Variants in NLGN1 observed in about 807,000 individuals in gnomAD.
The protein encoded by NLGN1 is neuroligin 1, also known as neuroligin-1.
A neutral mutation model predicts 65.5 loss-of-function variants in NLGN1; 12 were observed. The observed-to-expected ratio is 0.18, with a 90% CI of 0.12 to 0.30. The LOEUF is 0.30. NLGN1 is among the 10% of genes least tolerant of loss of function. The probability of loss-of-function intolerance (pLI) is 1.00; values close to 1 mark genes in which losing one functional copy is unlikely to be tolerated. For missense variants in NLGN1, 750 were observed against 1,007.1 expected (o/e 0.74, Z 3.46); for synonymous variants, 350 against 359.5 (o/e 0.97, Z 0.30).
chr3:173,638,003 A>G (rs1003118499), intron 3 of NLGN1, among the ~76,000 whole-genome samples: 1 of 152,186 alleles, frequency 6.6e-6, no homozygotes, highest in Non-Finnish European at 1.5e-5. Context: ...GATATATACT[A>G]ATAGGTGTGC....
chr3:173,769,006 G>A (rs531152081), intron 3 of NLGN1, among the ~76,000 whole-genome samples: 1 of 152,158 alleles, frequency 6.6e-6, no homozygotes, highest in South Asian at 2.1e-4. Context: ...CTGGACTCAA[G>A]CGATCCACCC....
intron 4 of NLGN1, among the ~76,000 whole-genome samples, chr3:174,135,660 A>G (rs1721074447): frequency 6.6e-6 from 1 of 152,150 alleles, no homozygotes; most frequent in Admixed American, 6.5e-5. Flanking sequence ...AATATGACCT[A>G]ATAGAATACC....
chr3:174,162,824 G>A (rs1726788595), intron 4 of NLGN1, among the ~76,000 whole-genome samples: 2 of 151,310 alleles, frequency 1.3e-5, no homozygotes, highest in Non-Finnish European at 2.9e-5. Context: ...CTGATTAAAT[G>A]AGGATGAGAG....
intron 2 of NLGN1, among the ~76,000 whole-genome samples, chr3:173,586,128 T>C (rs1747400839): frequency 8.8e-6 from 1 of 113,170 alleles, no homozygotes; most frequent in African/African-American, 3.0e-5. Flanking sequence ...ACAATTTTAG[T>C]TGGCTTTTTT....
intron 3 of NLGN1, among the ~76,000 whole-genome samples, chr3:173,658,761 A>G (rs1454583328): frequency 6.6e-6 from 1 of 151,994 alleles, no homozygotes; most frequent in Non-Finnish European, 1.5e-5. Context: ...TGTTGATTCC[A>G]GTGCTAGAGT....
At chr3:173,509,948 A>G (rs573121225) in intron 2 of NLGN1, among the ~76,000 whole-genome samples, 47 of 152,322 alleles carry the variant, frequency 3.1e-4, no homozygotes, top group Admixed American at 1.1e-3. Context: ...TCCAATTTCA[A>G]TGGATGTGAA....
chr3:173,759,777 T>C (rs1777688983), intron 3 of NLGN1, among the ~76,000 whole-genome samples: 1 of 152,014 alleles, frequency 6.6e-6, no homozygotes, highest in Non-Finnish European at 1.5e-5. Context: ...AGCATTCTTA[T>C]CAATTTTTAA....
At chr3:174,222,128 A>G (rs1738786252) in intron 4 of NLGN1, among the ~76,000 whole-genome samples, 1 of 152,122 alleles carries the variant, frequency 6.6e-6, no homozygotes, top group South Asian at 2.1e-4. Context: ...ATTTTGAGAT[A>G]AGTAGCTGTG....
intron 4 of NLGN1, among the ~76,000 whole-genome samples, chr3:174,003,504 T>G (rs1361562007): frequency 6.6e-6 from 1 of 152,148 alleles, no homozygotes; most frequent in Non-Finnish European, 1.5e-5. Flanking sequence ...AGATATACAT[T>G]CAAACCAAAT....
intron 2 of NLGN1, among the ~76,000 whole-genome samples, chr3:173,563,697 C>CTATTTTT (rs1743161109): frequency 6.6e-6 from 1 of 151,916 alleles, no homozygotes; most frequent in Non-Finnish European, 1.5e-5. Flanking sequence ...TTTTCTCATA[C>CTATTTTT]CCTTGTATAT....
intron 4 of NLGN1, among the ~76,000 whole-genome samples, chr3:173,873,478 T>G (rs1010944167): frequency 2.0e-5 from 3 of 152,194 alleles, no homozygotes; most frequent in Non-Finnish European, 4.4e-5. Flanking sequence ...AACATAACTA[T>G]TTGAAGTTAT....
intron 3 of NLGN1, among the ~76,000 whole-genome samples, chr3:173,632,016 T>C (rs1755758890): frequency 6.6e-6 from 1 of 152,106 alleles, no homozygotes; most frequent in African/African-American, 2.4e-5. Context: ...GTATTTATAA[T>C]AGAAATGCTG....
chr3:173,979,112 G>A (rs1718197204), intron 4 of NLGN1, among the ~76,000 whole-genome samples: 1 of 152,076 alleles, frequency 6.6e-6, no homozygotes, highest in African/African-American at 2.4e-5. Flanking sequence ...TAAGGACAAA[G>A]GAGGTAAGTA....
At chr3:173,548,691 A>G (rs1209111832) in intron 2 of NLGN1, among the ~76,000 whole-genome samples, 3 of 152,064 alleles carry the variant, frequency 2.0e-5, no homozygotes, top group Non-Finnish European at 4.4e-5. Flanking sequence ...AGAAAGAAAT[A>G]TATGTATTTA....
intron 3 of NLGN1, among the ~76,000 whole-genome samples, chr3:173,675,765 A>G (rs1255135058): frequency 6.6e-6 from 1 of 151,940 alleles, no homozygotes; most frequent in East Asian, 1.9e-4. Flanking sequence ...ACTGTTTTGT[A>G]TCTTGACTCT....
At chr3:174,020,099 A>G (rs1363102642) in intron 4 of NLGN1, among the ~76,000 whole-genome samples, 2 of 152,150 alleles carry the variant, frequency 1.3e-5, no homozygotes, top group African/African-American at 4.8e-5. Flanking sequence ...AAAAAGATAA[A>G]TAACTTGTGT....
chr3:173,557,835 A>G (rs1741964912), intron 2 of NLGN1, among the ~76,000 whole-genome samples: 1 of 152,136 alleles, frequency 6.6e-6, no homozygotes, highest in South Asian at 2.1e-4. Flanking sequence ...ATATTTACAC[A>G]TATAGTTACC....
intron 3 of NLGN1, among the ~76,000 whole-genome samples, chr3:173,796,323 C>T (rs566308475): frequency 6.6e-6 from 1 of 152,152 alleles, no homozygotes; most frequent in African/African-American, 2.4e-5. Flanking sequence ...TTTTTACTCC[C>T]TTTTTAAAAA....
intron 2 of NLGN1, among the ~76,000 whole-genome samples, chr3:173,587,398 A>G (rs915125279): frequency 6.6e-6 from 1 of 152,180 alleles, no homozygotes; most frequent in Non-Finnish European, 1.5e-5. Flanking sequence ...GCCAATAACA[A>G]TGGAAATAAG....
Sources: gnomAD v4.1 joint callset for allele counts (sites outside exome capture counted in the v4.1 genomes callset) on GRCh38, gnomAD v4.1.1 for gene constraint, MANE v1.5 for transcripts, NCBI Gene and HGNC (gene_info 2026-07-23, HGNC 2026-07-21) for gene names.